NOL4L: variants seen among roughly 807,000 people sequenced by gnomAD.
NOL4L encodes the protein nucleolar protein 4-like.
A neutral mutation model predicts 64.5 loss-of-function variants in NOL4L; 7 were observed. The observed-to-expected ratio is 0.11, with a 90% CI of 0.06 to 0.20. The LOEUF is 0.20. Among genes scored for constraint, NOL4L ranks in the 10% least tolerant of loss-of-function variants. NOL4L has a pLI of 1.00. For missense variants in NOL4L, 680 were observed against 967.1 expected (o/e 0.70, Z 3.94); for synonymous variants, 413 against 401.0 (o/e 1.03, Z -0.36).
At chr20:32,556,858 C>T (rs538626461) in intron 1 of NOL4L, among the ~76,000 whole-genome samples, 2 of 152,366 alleles carry the variant, frequency 1.3e-5, no homozygotes, top group African/African-American at 2.4e-5. Context: ...GCCGGAGCCA[C>T]AGTGCCTCGC....
At chr20:32,499,425 A>C (rs193054028) in intron 4 of NOL4L, among the ~76,000 whole-genome samples, 106 of 152,258 alleles carry the variant, frequency 7.0e-4, no homozygotes, top group African/African-American at 2.5e-3. Flanking sequence ...AAGCGGATAC[A>C]AACATTTTTA....
intron 1 of NOL4L, among the ~76,000 whole-genome samples, chr20:32,542,052 G>C (rs936100558): frequency 1.3e-5 from 2 of 152,228 alleles, no homozygotes; most frequent in African/African-American, 4.8e-5. Context: ...GTGGTGGGGG[G>C]CGCTAAGCCC....
intron 4 of NOL4L, among the ~76,000 whole-genome samples, chr20:32,491,691 C>T (rs2016476864): frequency 6.6e-6 from 1 of 152,242 alleles, no homozygotes. Flanking sequence ...GGGGCATGCA[C>T]ATGCCTCTTT....
chr20:32,559,870 T>C (rs1978893608), intron 1 of NOL4L, among the ~76,000 whole-genome samples: 1 of 152,240 alleles, frequency 6.6e-6, no homozygotes, highest in Non-Finnish European at 1.5e-5. Flanking sequence ...AGCCCAGGCC[T>C]GCCCAGGCCC....
chr20:32,565,553 T>A (rs935104920), intron 1 of NOL4L, among the ~76,000 whole-genome samples: 6 of 152,324 alleles, frequency 3.9e-5, no homozygotes, highest in Non-Finnish European at 8.8e-5. Flanking sequence ...CAGCCTGGTC[T>A]TAGCCCTCCA....
In NOL4L at chr20:32,511,451, C is replaced by T. The variant is rs1358707048; in HGVS notation, c.595G>A (p.Glu199Lys). ...CCAGAGACCAGTGGAGATGGAGGCT[C>T]GTTTTCTGGCAGAAAGAACAAAAGG... is the stretch of plus-strand genomic sequence containing the variant. ...NSNGLEPKENEPPSPLVSGII... is the reference protein window; with the variant it reads ...NSNGLEPKENKPPSPLVSGII... Residue 199 changes from glutamate to lysine, a missense_variant, in exon 4 of 11, where the codon GAG (glutamate) becomes AAG (lysine). Around this residue, in one of 4 missense-constraint regions of NOL4L, gnomAD observed 181 missense variants for 335.2 expected, o/e 0.54. Coordinates refer to ENST00000621426, the MANE Select transcript of NOL4L (RefSeq NM_001256798.2). 5 of 1,547,806 alleles carry T rather than the reference C, an allele frequency of 3.2e-6. No homozygotes were observed. The highest frequency in any genetic ancestry group is 3.5e-6 in the Non-Finnish European group (4 of 1,144,642).
intron 5 of NOL4L, among the ~76,000 whole-genome samples, chr20:32,473,383 T>C (rs2015157877): frequency 6.6e-6 from 1 of 152,082 alleles, no homozygotes. Context: ...CCCACCCCCG[T>C]GGGAACGCTG....
intron 4 of NOL4L, among the ~76,000 whole-genome samples, chr20:32,478,805 G>A (rs1158951080): frequency 6.6e-6 from 1 of 152,168 alleles, no homozygotes; most frequent in Non-Finnish European, 1.5e-5. Context: ...CGCCCAGGCT[G>A]GCCTCGAACT....
intron 4 of NOL4L, among the ~76,000 whole-genome samples, chr20:32,498,045 C>T (rs1447767507): frequency 6.6e-6 from 1 of 152,216 alleles, no homozygotes; most frequent in African/African-American, 2.4e-5. Flanking sequence ...TTGGCATTCT[C>T]GCATTTGTAG....
intron 1 of NOL4L, among the ~76,000 whole-genome samples, chr20:32,545,650 C>T (rs923973575): frequency 7.9e-5 from 12 of 152,238 alleles, no homozygotes; most frequent in African/African-American, 2.9e-4. Flanking sequence ...ACCCTGAAGG[C>T]ATCCTTGACT....
intron 4 of NOL4L, among the ~76,000 whole-genome samples, chr20:32,496,940 TCA>T (rs2016712522): frequency 6.6e-6 from 1 of 151,234 alleles, no homozygotes; most frequent in African/African-American, 2.4e-5. Context: ...TGTGTGCCTC[TCA>T]GTCTGAATAG....
chr20:32,481,225 GGC>G (rs922652631), intron 4 of NOL4L, among the ~76,000 whole-genome samples: 2 of 152,162 alleles, frequency 1.3e-5, no homozygotes, highest in Non-Finnish European at 2.9e-5. Flanking sequence ...CCTAAGCAAA[GGC>G]ACCTGGCTGC....
In NOL4L at chr20:32,447,671, C is replaced by G. The variant is rs375174652; in HGVS notation, c.1968G>C (p.Ala656=). The change falls in exon 11 of 11, where the codon GCG becomes GCC. Residue 656 remains alanine (A), a synonymous_variant. Transcript: ENST00000621426. The part of the protein sequence containing the change: ...TEISAVRQLI[A]GYRESAAFLL... ...GGAAGGCAGCAGACTCCCGGTAGCCCGCGATGAGCTGCCGCACGGCGCTGA... is the reference window on the plus strand; with the variant it reads ...GGAAGGCAGCAGACTCCCGGTAGCCGGCGATGAGCTGCCGCACGGCGCTGA... 4 of 1,611,868 alleles carry G rather than the reference C, an allele frequency of 2.5e-6. No individual in the cohort carries two copies. In the African/African-American group the frequency reaches 4.0e-5, roughly 16 times the overall value.
chr20:32,546,851 CTG>C (rs1347918560), intron 1 of NOL4L, among the ~76,000 whole-genome samples: 1 of 152,218 alleles, frequency 6.6e-6, no homozygotes, highest in Non-Finnish European at 1.5e-5. Flanking sequence ...CAGGAGCTCC[CTG>C]TGATGGAGGC....
intron 1 of NOL4L, among the ~76,000 whole-genome samples, chr20:32,575,903 G>C (rs567108510): frequency 6.6e-6 from 1 of 152,320 alleles, no homozygotes; most frequent in South Asian, 2.1e-4. Context: ...AGAGGGAGAA[G>C]AGCTGGCCAT....
chr20:32,485,694 A>G lies in NOL4L; in HGVS notation c.700-10952T>C, dbSNP rs1439714139. On this transcript the variant is annotated intron_variant, in intron 4 of 10. Coordinates refer to ENST00000621426, the MANE Select transcript of NOL4L (RefSeq NM_001256798.2). Reference sequence around the variant, plus strand: ...GTGCCCAATAATGATTTTTAGAACGAACTAGTGGCCACAGCTCTTAAGTTC... The same window carrying G: ...GTGCCCAATAATGATTTTTAGAACGGACTAGTGGCCACAGCTCTTAAGTTC... 5 of 467,472 alleles carry G rather than the reference A, an allele frequency of 1.1e-5. No individual in the cohort carries two copies. The Middle Eastern group carries it at 9.8e-4, about 91-fold the overall frequency. The allele number at this position is 467,472 out of a possible 1,614,324, so 29.0% of individuals were successfully genotyped here.
In NOL4L at chr20:32,474,667, A is replaced by T; in HGVS notation, c.775T>A (p.Ser259Thr). The T allele has an allele frequency of 7.4e-6, 12 of 1,613,806 alleles. No individual in the cohort carries two copies. Among genetic ancestry groups the T allele is most frequent in the Non-Finnish European group, 1.0e-5 (12 of 1,179,982 alleles). The stretch of plus-strand genomic sequence containing the variant: ...TCGTCCTGGCTGGGGCTCAGGCTGG[A>T]GGCCAGGTGCGGGTCAGCTGACATC... ...TWMSADPHLA[S>T]SLSPSQDERM... The change falls in exon 5 of 11, where the codon TCC (serine) becomes ACC (threonine). Residue 259 changes from serine (S) to threonine (T), a missense_variant. Ser to Thr is a moderately conservative substitution (Grantham distance 58). This residue lies in a region of NOL4L where 254 missense variants were observed against 238.7 expected (regional missense o/e 1.06). Transcript: ENST00000621426.
In NOL4L at chr20:32,483,556, AGCAGCGGCG is replaced by A. The variant is rs1378459235; in HGVS notation, c.700-8823_700-8815del. The A allele has an allele frequency of 2.4e-5, 23 of 961,878 alleles. No individual in the cohort carries two copies. The South Asian group carries it at 3.4e-4, about 14-fold the overall frequency. The allele number at this position is 961,878 out of a possible 1,614,324, so 59.6% of individuals were successfully genotyped here. Reference sequence around the variant, plus strand: ...GGTGGCCAGGAGGAGGGCCCAGGCGAGCAGCGGCGGCAGCGGCGGCGGCGCCGCGGCCCG... The same window carrying A: ...GGTGGCCAGGAGGAGGGCCCAGGCGAGCAGCGGCGGCGGCGCCGCGGCCCG... On this transcript the variant is annotated intron_variant, in intron 4 of 10. Transcript: ENST00000621426.
chr20:32,472,414 G>A (rs1185257359), intron 5 of NOL4L, among the ~76,000 whole-genome samples: 3 of 152,216 alleles, frequency 2.0e-5, no homozygotes, highest in African/African-American at 4.8e-5. Flanking sequence ...ACCCTCGGGC[G>A]GGGAGTGGAG....
Sources: gnomAD v4.1 joint callset for allele counts (sites outside exome capture counted in the v4.1 genomes callset) on GRCh38, gnomAD v4.1.1 for gene constraint, gnomAD v4.1.1 regional missense constraint, MANE v1.5 for transcripts, NCBI Gene and HGNC (gene_info 2026-07-23, HGNC 2026-07-21) for gene names.